The following ULK4 variants were observed in gnomAD, a reference collection of about 807,000 sequenced individuals.
ULK4 encodes the protein unc-51 like kinase 4.
ULK4 carries 133 observed loss-of-function variants against 160.6 expected under a neutral mutation model. The ratio of observed to expected loss-of-function variants is 0.83; its 90% CI spans 0.72 to 0.96. The LOEUF (loss-of-function observed/expected upper bound fraction) is 0.96. Ranked by LOEUF, ULK4 falls within the 40% of genes least tolerant of loss-of-function variation. ULK4 has a pLI of 0.00. For missense variants in ULK4, 1,580 were observed against 1,499.5 expected, an observed-to-expected ratio of 1.05 and a Z score of -0.89; for synonymous variants, 534 against 539.8, an observed-to-expected ratio of 0.99 and a Z score of 0.15.
intron 31 of ULK4, among the ~76,000 whole-genome samples, chr3:41,598,071 C>T (rs918202120): frequency 6.6e-6 from 1 of 152,192 alleles, no homozygotes; most frequent in Admixed American, 6.5e-5. Context: ...TCTAAGGCCC[C>T]TTGGGGGTGA....
intron 32 of ULK4, among the ~76,000 whole-genome samples, chr3:41,525,073 A>G (rs17271161): frequency 0.15 from 23,196 of 152,214 alleles, 1,896 homozygotes; most frequent in Admixed American, 0.2. Flanking sequence ...GGTCCAAATA[A>G]ATATTTCAGT....
chr3:41,864,595 G>A (rs905608762), intron 17 of ULK4, among the ~76,000 whole-genome samples: 1 of 152,012 alleles, frequency 6.6e-6, no homozygotes, highest in Non-Finnish European at 1.5e-5. Flanking sequence ...CTGTACCCCA[G>A]AGTCAGAAGC....
chr3:41,376,367 C>A (rs1482884500), intron 35 of ULK4, among the ~76,000 whole-genome samples: 1 of 150,066 alleles, frequency 6.7e-6, no homozygotes, highest in Admixed American at 6.6e-5. Context: ...AGACCTGGAA[C>A]CAACCCAAAT....
chr3:41,665,873 C>A (rs1315877217), intron 29 of ULK4, among the ~76,000 whole-genome samples: 2 of 152,090 alleles, frequency 1.3e-5, no homozygotes, highest in East Asian at 3.9e-4. Flanking sequence ...TAAGAATATT[C>A]TCAAAGTGTA....
chr3:41,312,615 G>A (rs1484347663), intron 35 of ULK4, among the ~76,000 whole-genome samples: 1 of 151,428 alleles, frequency 6.6e-6, no homozygotes, highest in Non-Finnish European at 1.5e-5. Flanking sequence ...GGCAACACAG[G>A]GAGACCTCAT....
At chr3:41,676,283 T>C (rs941069534) in intron 29 of ULK4, among the ~76,000 whole-genome samples, 1 of 152,220 alleles carries the variant, frequency 6.6e-6, no homozygotes, top group African/African-American at 2.4e-5. Context: ...TATCCTTTTC[T>C]TGACCTTAGT....
At chr3:41,362,156 G>A (rs2081159160) in intron 35 of ULK4, among the ~76,000 whole-genome samples, 1 of 152,158 alleles carries the variant, frequency 6.6e-6, no homozygotes, top group Admixed American at 6.5e-5. Flanking sequence ...AGTCTAGCAA[G>A]TTTATTTCAG....
chr3:41,396,533 A>G (rs1247823236), intron 35 of ULK4, among the ~76,000 whole-genome samples: 1 of 152,086 alleles, frequency 6.6e-6, no homozygotes, highest in African/African-American at 2.4e-5. Flanking sequence ...TTCTTTACAT[A>G]AAGTAATTTT....
intron 27 of ULK4, among the ~76,000 whole-genome samples, chr3:41,687,679 T>G (rs918526715): frequency 3.3e-5 from 5 of 152,194 alleles, no homozygotes; most frequent in Non-Finnish European, 7.4e-5. Context: ...CCAATCCCCA[T>G]GTCTTGAAAA....
chr3:41,586,438 G>A (rs530875588), intron 31 of ULK4, among the ~76,000 whole-genome samples: 9 of 152,280 alleles, frequency 5.9e-5, no homozygotes, highest in African/African-American at 2.2e-4. Flanking sequence ...AGTGTGTAAA[G>A]TAGTCAAAAT....
chr3:41,479,194 A>C (rs2084235005), intron 32 of ULK4, among the ~76,000 whole-genome samples: 1 of 152,246 alleles, frequency 6.6e-6, no homozygotes, highest in South Asian at 2.1e-4. Flanking sequence ...ACACCTCAGA[A>C]AATCTTCAGC....
intron 34 of ULK4, among the ~76,000 whole-genome samples, chr3:41,447,744 A>G (rs1254353050): frequency 6.6e-6 from 1 of 152,162 alleles, no homozygotes; most frequent in Non-Finnish European, 1.5e-5. Flanking sequence ...CCAGAAATAC[A>G]TGGGTCCCTG....
intron 35 of ULK4, among the ~76,000 whole-genome samples, chr3:41,346,916 C>A (rs1047529872): frequency 6.6e-6 from 1 of 152,124 alleles, no homozygotes; most frequent in African/African-American, 2.4e-5. Flanking sequence ...CATATAGACT[C>A]GGTGCTTTTG....
intron 17 of ULK4, among the ~76,000 whole-genome samples, chr3:41,864,152 G>T (rs543060761): frequency 6.8e-6 from 1 of 146,300 alleles, no homozygotes; most frequent in South Asian, 2.1e-4. Flanking sequence ...CCTTTGGCTA[G>T]GGCTGGATTA....
intron 34 of ULK4, among the ~76,000 whole-genome samples, chr3:41,409,715 G>A (rs1284794058): frequency 3.3e-5 from 5 of 152,032 alleles, no homozygotes; most frequent in African/African-American, 4.8e-5. Context: ...CTGGGAGGCC[G>A]AGGCAGGTGG....
intron 31 of ULK4, among the ~76,000 whole-genome samples, chr3:41,583,626 G>A (rs190242225): frequency 1.5e-4 from 23 of 152,308 alleles, no homozygotes; most frequent in African/African-American, 5.3e-4. Flanking sequence ...CACACCTCAG[G>A]TATGGATCTG....
At chr3:41,522,014 T>C (rs187313030) in intron 32 of ULK4, among the ~76,000 whole-genome samples, 34 of 152,368 alleles carry the variant, frequency 2.2e-4, no homozygotes, top group African/African-American at 6.7e-4. Context: ...CACAATTCAT[T>C]GTATGCTATT....
intron 30 of ULK4, among the ~76,000 whole-genome samples, chr3:41,648,462 T>A (rs2034604047): frequency 6.6e-6 from 1 of 152,214 alleles, no homozygotes; most frequent in Non-Finnish European, 1.5e-5. Context: ...TTAGTCATTG[T>A]TTTTATAAAT....
chr3:41,801,623 G>C (rs2040462158), intron 19 of ULK4, among the ~76,000 whole-genome samples: 1 of 152,040 alleles, frequency 6.6e-6, no homozygotes, highest in Admixed American at 6.5e-5. Context: ...GCCAAGATGG[G>C]AGAATCAGTT....
Sources: gnomAD v4.1 joint callset for allele counts (sites outside exome capture counted in the v4.1 genomes callset) on GRCh38, gnomAD v4.1.1 for gene constraint, MANE v1.5 for transcripts, NCBI Gene and HGNC (gene_info 2026-07-23, HGNC 2026-07-21) for gene names.